Variants in VLDLR observed in about 807,000 individuals in gnomAD.
The protein encoded by VLDLR is very low density lipoprotein receptor.
Under a neutral mutation model 112.7 loss-of-function variants are expected in VLDLR, and 81 were observed. The ratio of observed to expected loss-of-function variants is 0.72; its 90% CI spans 0.60 to 0.86. VLDLR has a LOEUF of 0.86. VLDLR is among the 40% of genes least tolerant of loss of function. The probability of loss-of-function intolerance (pLI) is 0.00; values close to 1 mark genes in which losing one functional copy is unlikely to be tolerated. For missense variants in VLDLR, 1,237 were observed against 1,099.4 expected, an observed-to-expected ratio of 1.13 and a Z score of -1.77; for synonymous variants, 436 against 384.8, an observed-to-expected ratio of 1.13 and a Z score of -1.56.
rs757405068 is a variant in VLDLR at position 2,645,593 on chromosome 9, C to G, written c.1332C>G (p.Ile444Met). The G allele has an allele frequency of 6.2e-7, 1 of 1,614,236 alleles. No individual in the cohort carries two copies. The highest frequency in any genetic ancestry group is 1.1e-5 in the South Asian group (1 of 91,086). ...CKAVGKEPSL[I>M]FTNRRDIRKI... ...TTGCAGGCAAAGAGCCAAGTCTGATCTTCACTAATCGAAGAGACATCAGGA... is the reference window on the plus strand; with the variant it reads ...TTGCAGGCAAAGAGCCAAGTCTGATGTTCACTAATCGAAGAGACATCAGGA... The change falls in exon 10 of 19, where the codon ATC (isoleucine) becomes ATG (methionine). Residue 444 changes from isoleucine (I) to methionine (M), a missense_variant. Ile to Met is a conservative substitution (Grantham distance 10, BLOSUM62 1). Transcript: ENST00000382100.
rs2130818111 is a variant in VLDLR, at chr9:2,656,111, A to T, written c.*2243A>T. ...TATTATTCTCTATCATCATCTTTTG[A>T]ATTCCTGTCCCTAGTATGTTCTTTC... On this transcript the variant is annotated 3_prime_UTR_variant, in exon 19 of 19. Transcript: ENST00000382100. The T allele has an allele frequency of 6.6e-6, 1 of 152,230 alleles. No individual in the cohort carries two copies. Among genetic ancestry groups the T allele is most frequent in the South Asian group, 2.1e-4 (1 of 4,820 alleles). 9.4% of individuals were successfully genotyped at this position (152,230 alleles called of 1,614,324 possible).
chr9:2,633,877 C>T (rs1331534337), intron 1 of VLDLR, among the ~76,000 whole-genome samples: 1 of 152,092 alleles, frequency 6.6e-6, no homozygotes, highest in Non-Finnish European at 1.5e-5. Flanking sequence ...GCACCAGGTA[C>T]CTCAGATTTG....
intron 1 of VLDLR, among the ~76,000 whole-genome samples, chr9:2,630,665 G>A (rs930931629): frequency 1.3e-5 from 2 of 152,242 alleles, no homozygotes; most frequent in African/African-American, 2.4e-5. Context: ...TGAAGCTTAT[G>A]TATTAGTCCT....
Position 2,652,560 on chromosome 9 carries a change from A to G in VLDLR, c.2417-220A>G, listed in dbSNP as rs368677329. ...GACCGAGGACCCTGCCCTTGCCTGGATGGATGTGGCTAGTCCAGCTCCAGT... is the reference window on the plus strand; with the variant it reads ...GACCGAGGACCCTGCCCTTGCCTGGGTGGATGTGGCTAGTCCAGCTCCAGT... On this transcript the variant is annotated intron_variant, in intron 17 of 18. Coordinates refer to ENST00000382100, the MANE Select transcript of VLDLR (RefSeq NM_003383.5). Among the ~76,000 whole-genome samples the G allele has an allele frequency of 3.9e-5, 6 of 152,272 alleles. 1 individual carries two copies. The East Asian group carries it at 1.2e-3, about 29-fold the overall frequency.
intron 17 of VLDLR, among the ~76,000 whole-genome samples, chr9:2,652,509 A>G (rs1242282868): frequency 6.6e-6 from 1 of 152,158 alleles, no homozygotes; most frequent in African/African-American, 2.4e-5. Flanking sequence ...ACCTTCTGCA[A>G]TTTTAATTTG....
intron 9 of VLDLR, 123 bp from the exon 10 acceptor site, chr9:2,645,451 G>A (rs1308462941): frequency 8.1e-7 from 1 of 1,233,878 alleles, no homozygotes. Flanking sequence ...CTCCAGAACA[G>A]ATACTACTGA....
At position 2,624,623 on chromosome 9, in the gene VLDLR, C is replaced by T. The variant is rs929415892; in HGVS notation, c.82+2352C>T. Among the ~76,000 whole-genome samples the T allele has an allele frequency of 2.6e-5, 4 of 152,180 alleles. 1 individual carries two copies. Among genetic ancestry groups the T allele is most frequent in the Admixed American group, 2.6e-4 (4 of 15,270 alleles). On this transcript the variant is annotated intron_variant, in intron 1 of 18. Transcript: ENST00000382100. ...TTGAGAGCTATTCATATATGGCTAG[C>T]AACTAGCCTAAGAATAGAAAGAAAA...
rs1287330476 is a variant in VLDLR, at chr9:2,657,986, A to G, written c.*4118A>G. The G allele has an allele frequency of 6.6e-6, 1 of 152,216 alleles. No individual in the cohort carries two copies. The highest frequency in any genetic ancestry group is 2.4e-5 in the African/African-American group (1 of 41,464). The allele number at this position is 152,216 out of a possible 1,614,324, so 9.4% of individuals were successfully genotyped here. A position where few individuals can be genotyped will look rare whatever the true frequency, so the allele number is the denominator to read the frequency against. On this transcript the variant is annotated 3_prime_UTR_variant, in exon 19 of 19. Transcript: ENST00000382100. ...TCATGGGCCTAAACTATGAGAGTTC[A>G]GAAATATATAAAAGTACAAAAATCT...
intron 1 of VLDLR, among the ~76,000 whole-genome samples, chr9:2,633,277 T>C (rs1817449873): frequency 6.6e-6 from 1 of 152,170 alleles, no homozygotes; most frequent in Non-Finnish European, 1.5e-5. Flanking sequence ...GCTGCTAGGA[T>C]TTTAATAGAA....
intron 4 of VLDLR, among the ~76,000 whole-genome samples, chr9:2,642,429 C>G: frequency 6.6e-6 from 1 of 152,230 alleles, no homozygotes; most frequent in Non-Finnish European, 1.5e-5. Flanking sequence ...ATTGGTAAGC[C>G]CTGGTGCTGC....
rs761264222 is a variant in VLDLR at position 2,648,733 on chromosome 9, C to T, written c.2027C>T (p.Ser676Leu). ...TATGGTGCCAATAAATTCACTGGAT[C>T]AGAGCTAGCCACTCTAGTCAACAAC... is the stretch of plus-strand genomic sequence containing the variant. ...AVYGANKFTG[S>L]ELATLVNNLN... The change falls in exon 14 of 19, where the codon TCA becomes TTA. Residue 676 changes from serine to leucine, a missense_variant. Transcript: ENST00000382100. 6.2e-7 allele frequency: 1 copy of T among 1,614,142 alleles called. No homozygotes were observed. Among genetic ancestry groups the T allele is most frequent in the Non-Finnish European group, 8.5e-7 (1 of 1,180,040 alleles).
rs555466672 is a variant in VLDLR at position 2,645,158 on chromosome 9, A to G, written c.1312+76A>G. 1.4e-5 allele frequency: 23 copies of G among 1,601,904 alleles called. No individual in the cohort carries two copies. The South Asian group carries it at 2.3e-4, about 16-fold the overall frequency. ...TCTAAAAGGTACAGCCAGTGACTACAATAGTCAAACTAAACATGAAATTGT... is the reference window on the plus strand; with the variant it reads ...TCTAAAAGGTACAGCCAGTGACTACGATAGTCAAACTAAACATGAAATTGT... On this transcript the variant is annotated intron_variant, in intron 9 of 18. Transcript: ENST00000382100.
intron 9 of VLDLR, 61 bp from the exon 10 acceptor site, chr9:2,645,513 G>T (rs1818028902): frequency 1.3e-6 from 2 of 1,586,964 alleles, no homozygotes; most frequent in Non-Finnish European, 1.7e-6. Flanking sequence ...GGGAGGAGGT[G>T]GTTTAGAAAG....
At chr9:2,626,964 T>A (rs1817119508) in intron 1 of VLDLR, among the ~76,000 whole-genome samples, 1 of 152,244 alleles carries the variant, frequency 6.6e-6, no homozygotes, top group African/African-American at 2.4e-5. Flanking sequence ...GGTTGCAGAT[T>A]GATGTTGGTC....
intron 16 of VLDLR, 87 bp from the exon 17 acceptor site, chr9:2,651,787 G>A: frequency 1.4e-6 from 2 of 1,411,818 alleles, no homozygotes; most frequent in Non-Finnish European, 1.0e-6. Context: ...AATATTGGAT[G>A]CAAAGGTTTT....
rs1477095231 is a variant in VLDLR at position 2,658,003 on chromosome 9, CA to C, written c.*4140del. The C allele has an allele frequency of 7.2e-5, 11 of 152,184 alleles. 1 individual carries two copies. In the East Asian group the frequency reaches 2.1e-3, roughly 29 times the overall value. The allele number at this position is 152,184 out of a possible 1,614,324, so 9.4% of individuals were successfully genotyped here. A position where few individuals can be genotyped will look rare whatever the true frequency, so the allele number is the denominator to read the frequency against. ...GAGAGTTCAGAAATATATAAAAGTA[CA>C]AAAATCTTCAAAGGTACTTATTTCC... On this transcript the variant is annotated 3_prime_UTR_variant, in exon 19 of 19. Coordinates refer to ENST00000382100, the MANE Select transcript of VLDLR (RefSeq NM_003383.5).
chr9:2,638,298 A>T (rs186389051), intron 2 of VLDLR, among the ~76,000 whole-genome samples: 22 of 152,256 alleles, frequency 1.4e-4, no homozygotes, highest in African/African-American at 5.3e-4. Flanking sequence ...ATTAACTGTA[A>T]TCACTGTCTC....
At chr9:2,636,899 G>C (rs147571423) in intron 2 of VLDLR, among the ~76,000 whole-genome samples, 1 of 152,224 alleles carries the variant, frequency 6.6e-6, no homozygotes, top group East Asian at 1.9e-4. Context: ...TTCTTAAAAA[G>C]TAATTATTCT....
chr9:2,644,130 AG>A (rs1423681550), intron 7 of VLDLR, among the ~76,000 whole-genome samples, 171 bp downstream of exon 7: 1 of 148,466 alleles, frequency 6.7e-6, no homozygotes, highest in African/African-American at 2.5e-5. Context: ...AGGACAAACT[AG>A]TTTATAGTTT....
Sources: gnomAD v4.1 joint callset for allele counts (sites outside exome capture counted in the v4.1 genomes callset) on GRCh38, gnomAD v4.1.1 for gene constraint, MANE v1.5 for transcripts, NCBI Gene and HGNC (gene_info 2026-07-23, HGNC 2026-07-21) for gene names.